Variants in UNC5C observed in about 807,000 individuals in gnomAD.
UNC5C encodes netrin receptor UNC5C.
UNC5C carries 47 observed loss-of-function variants against 99.8 expected under a neutral mutation model. The observed-to-expected ratio is 0.47, with a 90% CI of 0.37 to 0.60. UNC5C has a LOEUF of 0.60. UNC5C is among the 20% of genes least tolerant of loss of function. The probability of loss-of-function intolerance (pLI) is 0.00; values close to 1 mark genes in which losing one functional copy is unlikely to be tolerated. For synonymous variants in UNC5C, 487 were observed against 452.2 expected, an observed-to-expected ratio of 1.08 and a Z score of -0.98; for missense variants, 1,062 against 1,165.9, an observed-to-expected ratio of 0.91 and a Z score of 1.30.
chr4:95,447,524 G>A (rs1484010559), intron 1 of UNC5C, among the ~76,000 whole-genome samples: 3 of 151,976 alleles, frequency 2.0e-5, no homozygotes, highest in African/African-American at 4.8e-5. Flanking sequence ...TATTTGAGAC[G>A]AAGTCTCACT....
chr4:95,524,271 C>G (rs1475300089), intron 1 of UNC5C, among the ~76,000 whole-genome samples: 2 of 152,172 alleles, frequency 1.3e-5, no homozygotes, highest in Non-Finnish European at 2.9e-5. Context: ...TGGTACATTA[C>G]TTCAAACTGG....
At chr4:95,182,616 A>C (rs1736657150) in intron 14 of UNC5C, among the ~76,000 whole-genome samples, 1 of 152,144 alleles carries the variant, frequency 6.6e-6, no homozygotes, top group Admixed American at 6.5e-5. Context: ...CTTTACTTGA[A>C]ATTCAGATCT....
At chr4:95,350,485 C>A (rs1743946020) in intron 1 of UNC5C, among the ~76,000 whole-genome samples, 3 of 147,890 alleles carry the variant, frequency 2.0e-5, no homozygotes, top group African/African-American at 2.5e-5. Context: ...GACTCCGTCT[C>A]AAAAAAAAAA....
intron 1 of UNC5C, among the ~76,000 whole-genome samples, chr4:95,439,654 T>C (rs372364477): frequency 1.3e-5 from 2 of 152,188 alleles, no homozygotes; most frequent in East Asian, 1.9e-4. Flanking sequence ...CAAAGTGCAT[T>C]CTAGAAGCAG....
At position 95,168,631 on chromosome 4, in the gene UNC5C, C is replaced by T. The variant is rs1411097487; in HGVS notation, c.*603G>A. 2 of 152,634 alleles carry T rather than the reference C, an allele frequency of 1.3e-5. No homozygotes were observed. The highest frequency in any genetic ancestry group is 2.9e-5 in the Non-Finnish European group (2 of 68,064). 9.5% of individuals were successfully genotyped at this position (152,634 alleles called of 1,614,324 possible). A position where few individuals can be genotyped will look rare whatever the true frequency, so the allele number is the denominator to read the frequency against. ...TTCTTTTTTACACTTAGATTCTCCACTTCCCTGATACAAACAGTAACACTG... is the reference window on the plus strand; with the variant it reads ...TTCTTTTTTACACTTAGATTCTCCATTTCCCTGATACAAACAGTAACACTG... On this transcript the variant is annotated 3_prime_UTR_variant, in exon 16 of 16. Coordinates refer to ENST00000453304, the MANE Select transcript of UNC5C (RefSeq NM_003728.4).
At chr4:95,296,502 A>G (rs532308063) in intron 3 of UNC5C, among the ~76,000 whole-genome samples, 1 of 152,198 alleles carries the variant, frequency 6.6e-6, no homozygotes, top group Non-Finnish European at 1.5e-5. Context: ...AAAAGAATAT[A>G]TCTACTCAAA....
chr4:95,282,145 G>A (rs1741081767), intron 3 of UNC5C, among the ~76,000 whole-genome samples: 1 of 152,148 alleles, frequency 6.6e-6, no homozygotes, highest in Admixed American at 6.6e-5. Context: ...AAAAAAAGAG[G>A]ACAGTGACAT....
chr4:95,513,651 A>T (rs962202578), intron 1 of UNC5C, among the ~76,000 whole-genome samples: 1 of 152,176 alleles, frequency 6.6e-6, no homozygotes, highest in African/African-American at 2.4e-5. Flanking sequence ...ATAGACATAC[A>T]TAGATAGATC....
intron 1 of UNC5C, among the ~76,000 whole-genome samples, chr4:95,461,389 G>A (rs1747596210): frequency 9.9e-6 from 1 of 100,542 alleles, no homozygotes; most frequent in African/African-American, 4.8e-5. Flanking sequence ...CTAAAATACT[G>A]TATTGTGAAC....
chr4:95,512,602 G>A (rs1386903415), intron 1 of UNC5C, among the ~76,000 whole-genome samples: 5 of 152,094 alleles, frequency 3.3e-5, no homozygotes, highest in Non-Finnish European at 5.9e-5. Flanking sequence ...AATGACTTAA[G>A]TGCATTTAAA....
intron 12 of UNC5C, among the ~76,000 whole-genome samples, chr4:95,193,221 A>G (rs1013329893): frequency 6.6e-6 from 1 of 152,214 alleles, no homozygotes; most frequent in African/African-American, 2.4e-5. Flanking sequence ...CAGAAGCATG[A>G]GCAGGTGGAG....
chr4:95,238,510 C>T (rs374393515), intron 7 of UNC5C, among the ~76,000 whole-genome samples: 1 of 152,054 alleles, frequency 6.6e-6, no homozygotes, highest in African/African-American at 2.4e-5. Flanking sequence ...CATTTAGCTC[C>T]ATCTTATTTT....
At chr4:95,208,154 T>A (rs915527034) in intron 10 of UNC5C, among the ~76,000 whole-genome samples, 7 of 152,202 alleles carry the variant, frequency 4.6e-5, no homozygotes, top group Non-Finnish European at 1.0e-4. Context: ...TGAGAGAGTA[T>A]TTTCTTTGAT....
rs539842039 is a variant in UNC5C at position 95,374,172 on chromosome 4, C to A, written c.125-38541G>T. Among the ~76,000 whole-genome samples the A allele has an allele frequency of 8.8e-4, 134 of 152,228 alleles. 1 individual carries two copies. The highest frequency in any genetic ancestry group is 3.1e-3 in the African/African-American group (127 of 41,522). ...AACAAAGGAGAATAATATTTCAATG[C>A]AGACTTGCCCTCAACATTTGCCGGG... On this transcript the variant is annotated intron_variant, in intron 1 of 15. Transcript: ENST00000453304.
rs998212281 is a variant in UNC5C, at chr4:95,202,815, C to T, written c.2052G>A (p.Leu684=). The change falls in exon 12 of 16, where the codon CTG becomes CTA. Residue 684 remains leucine (L), a synonymous_variant. Coordinates refer to ENST00000453304, the MANE Select transcript of UNC5C (RefSeq NM_003728.4). ...TTKAAAKRLK[L]AIFGPLCCSS... Reference sequence around the variant, plus strand: ...AGCAGCACAGGGGCCCAAAGATGGCCAGCTTGAGGCGCTTCGCAGCCGCTT... The same window carrying T: ...AGCAGCACAGGGGCCCAAAGATGGCTAGCTTGAGGCGCTTCGCAGCCGCTT... 22 of 1,614,126 alleles carry T rather than the reference C, an allele frequency of 1.4e-5. No individual in the cohort carries two copies. Among genetic ancestry groups the T allele is most frequent in the Non-Finnish European group, 1.8e-5 (21 of 1,180,060 alleles).
chr4:95,327,924 C>T (rs541768152), intron 2 of UNC5C, among the ~76,000 whole-genome samples: 2 of 151,468 alleles, frequency 1.3e-5, no homozygotes, highest in African/African-American at 2.4e-5. Context: ...AAAAGGCTGT[C>T]ACACTGACTC....
chr4:95,396,245 A>C (rs115490829), intron 1 of UNC5C, among the ~76,000 whole-genome samples: 1,962 of 152,280 alleles, frequency 0.013, 39 homozygotes, highest in African/African-American at 0.044. Flanking sequence ...TTGCTCATTA[A>C]TTAGCTCTAT....
chr4:95,517,990 C>T (rs531716148), intron 1 of UNC5C, among the ~76,000 whole-genome samples: 47 of 152,136 alleles, frequency 3.1e-4, no homozygotes, highest in African/African-American at 9.4e-4. Context: ...ATCTGGGAGA[C>T]GTTAGAGACT....
intron 1 of UNC5C, among the ~76,000 whole-genome samples, chr4:95,420,684 A>G (rs1746293958): frequency 6.6e-6 from 1 of 152,166 alleles, no homozygotes; most frequent in Admixed American, 6.5e-5. Flanking sequence ...AAAAGGTAGA[A>G]AACATTATCT....
Sources: allele counts gnomAD v4.1 joint callset (sites outside exome capture counted in the v4.1 genomes callset), GRCh38; gene constraint gnomAD v4.1.1; transcripts MANE v1.5; gene names NCBI Gene and HGNC (gene_info 2026-07-23, HGNC 2026-07-21).